Variants in NEK9 observed in about 807,000 individuals in gnomAD.
The protein encoded by NEK9 is serine/threonine-protein kinase Nek9.
Under a neutral mutation model 123.4 loss-of-function variants are expected in NEK9, and 75 were observed. The observed-to-expected ratio is 0.61, with a 90% CI of 0.50 to 0.74. NEK9 has a LOEUF of 0.74. Ranked by LOEUF, NEK9 falls within the 30% of genes least tolerant of loss-of-function variation. The pLI, the probability that NEK9 is intolerant of heterozygous loss-of-function variation, is 0.00. For synonymous variants in NEK9, 438 were observed against 458.7 expected (o/e 0.95, Z 0.58); for missense variants, 952 against 1,214.4 (o/e 0.78, Z 3.21).
rs142388282 is a variant in NEK9, at chr14:75,083,020, G to A, written c.*1544C>T. The A allele has an allele frequency of 1.3e-5, 5 of 398,580 alleles. No individual in the cohort carries two copies. Among genetic ancestry groups the A allele is most frequent in the South Asian group, 1.3e-4 (1 of 7,848 alleles). The allele number at this position is 398,580 out of a possible 1,614,324, so 24.7% of individuals were successfully genotyped here. Reference sequence around the variant, plus strand: ...CCCATTGAACAGAGTTGCCTGTCCCGAGCAATGGGGTTCTCCCCAAGCATC... The same window carrying A: ...CCCATTGAACAGAGTTGCCTGTCCCAAGCAATGGGGTTCTCCCCAAGCATC... On this transcript the variant is annotated 3_prime_UTR_variant, in exon 22 of 22. Transcript: ENST00000238616.
In NEK9 at chr14:75,083,326, C is replaced by A. The variant is rs1336256601; in HGVS notation, c.*1238G>T. ...ACTTTCTATATGAAGTTTTGTTCTT[C>A]TATGACACTATTTCTCTTTGGTAAA... On this transcript the variant is annotated 3_prime_UTR_variant, in exon 22 of 22. Coordinates refer to ENST00000238616, the MANE Select transcript of NEK9 (RefSeq NM_033116.6). 3 of 374,204 alleles carry A rather than the reference C, an allele frequency of 8.0e-6. No individual in the cohort carries two copies. The highest frequency in any genetic ancestry group is 1.4e-5 in the Non-Finnish European group (3 of 211,122). 23.2% of individuals were successfully genotyped at this position (374,204 alleles called of 1,614,324 possible).
chr14:75,113,021 A>G (rs1390766796), intron 8 of NEK9, among the ~76,000 whole-genome samples: 1 of 152,208 alleles, frequency 6.6e-6, no homozygotes, highest in African/African-American at 2.4e-5. Context: ...AAATTCAGAT[A>G]CAAACATAAG....
In NEK9 at chr14:75,126,321, G is replaced by A. The variant is rs138628342; in HGVS notation, c.219+382C>T. ...GAGAACTATATATACAGCATGAGAG[G>A]AAGGAAGTTTTGGCAATACCTCACA... is the stretch of plus-strand genomic sequence containing the variant. On this transcript the variant is annotated intron_variant, in intron 1 of 21. Coordinates refer to ENST00000238616, the MANE Select transcript of NEK9 (RefSeq NM_033116.6). Among the ~76,000 whole-genome samples, 33 of 152,070 alleles carry A rather than the reference G, an allele frequency of 2.2e-4. 1 individual carries two copies. The East Asian group carries it at 6.4e-3, about 29-fold the overall frequency.
intron 8 of NEK9, among the ~76,000 whole-genome samples, chr14:75,112,455 C>T (rs1894988193): frequency 1.3e-5 from 2 of 152,192 alleles, no homozygotes. Context: ...TAAAACTCGA[C>T]TTCAAATATG....
chr14:75,126,784 C>A lies in NEK9; in HGVS notation c.138G>T (p.Glu46Asp). The A allele has an allele frequency of 6.5e-7, 1 of 1,531,588 alleles. No individual in the cohort carries two copies. Among genetic ancestry groups the A allele is most frequent in the Non-Finnish European group, 8.8e-7 (1 of 1,140,106 alleles). The allele number at this position is 1,531,588 out of a possible 1,614,324, so 94.9% of individuals were successfully genotyped here. A position where few individuals can be genotyped will look rare whatever the true frequency, so the allele number is the denominator to read the frequency against. ...QGPRAGGGAA[E>D]QEELHYIPIR... ...TGGGGATGTAGTGCAGTTCCTCCTG[C>A]TCCGCCGCGCCGCCGCCGGCTCGCG... Residue 46 changes from glutamate to aspartate, a missense_variant, in exon 1 of 22, where the codon GAG becomes GAT. By Grantham distance (45) the Glu-to-Asp change is conservative. Transcript: ENST00000238616.
At position 75,109,808 on chromosome 14, in the gene NEK9, A is replaced by G. The variant is rs1420276109; in HGVS notation, c.1059T>C (p.Gly353=). Residue 353 remains glycine, a synonymous_variant, in exon 10 of 22, where the codon GGT becomes GGC. Transcript: ENST00000238616. The part of the protein sequence containing the change: ...TSRTSEVYVW[G]GGKSTPQKLD... ...GTTTCTGGGGGGTGGATTTTCCACC[A>G]CCCCAAACATAGACTTCACTGGTTC... 6.2e-7 allele frequency: 1 copy of G among 1,614,018 alleles called. No homozygotes were observed. The highest frequency in any genetic ancestry group is 2.2e-5 in the East Asian group (1 of 44,898).
chr14:75,104,851 A>G (rs189009743), intron 13 of NEK9, among the ~76,000 whole-genome samples: 10 of 152,362 alleles, frequency 6.6e-5, no homozygotes, highest in Non-Finnish European at 8.8e-5. Flanking sequence ...TTCCAGGTCA[A>G]CTAAACAAGA....
chr14:75,106,340 CAGAG>C (rs1410410039), intron 12 of NEK9, 158 bp downstream of exon 12: 4 of 594,272 alleles, frequency 6.7e-6, no homozygotes, highest in African/African-American at 4.9e-5. Context: ...GCCTGGGTGA[CAGAG>C]AGAGACTCTG....
In NEK9 at chr14:75,100,315, G is replaced by A. The variant is rs551041009; in HGVS notation, c.2002+677C>T. ...ACAGAAATTAGCCGAGTATGGTGGC[G>A]CATGCCTGTAATCCCAGCTACTCGG... is the stretch of plus-strand genomic sequence containing the variant. On this transcript the variant is annotated intron_variant, in intron 16 of 21. Transcript: ENST00000238616. Among the ~76,000 whole-genome samples the A allele has an allele frequency of 5.9e-5, 9 of 151,348 alleles. No individual in the cohort carries two copies. In the South Asian group the frequency reaches 1.9e-3, roughly 32 times the overall value.
At chr14:75,095,961 C>T (rs1394892454) in intron 17 of NEK9, among the ~76,000 whole-genome samples, 1 of 152,104 alleles carries the variant, frequency 6.6e-6, no homozygotes, top group African/African-American at 2.4e-5. Flanking sequence ...TTTAATTGGT[C>T]AGGGATAGGG....
chr14:75,111,410 T>A (rs1894954496), intron 8 of NEK9, among the ~76,000 whole-genome samples: 1 of 152,226 alleles, frequency 6.6e-6, no homozygotes, highest in Admixed American at 6.5e-5. Flanking sequence ...TTGTGTTTCC[T>A]GAATATTTTC....
intron 14 of NEK9, among the ~76,000 whole-genome samples, 163 bp downstream of exon 14, chr14:75,103,679 T>C (rs922920147): frequency 2.6e-5 from 4 of 152,232 alleles, no homozygotes; most frequent in African/African-American, 7.2e-5. Flanking sequence ...TAGAGCTATA[T>C]AGCATGTACT....
intron 1 of NEK9, 87 bp downstream of exon 1, chr14:75,126,616 A>C (rs1895536101): frequency 3.6e-6 from 4 of 1,110,400 alleles, no homozygotes; most frequent in Non-Finnish European, 4.8e-6. Flanking sequence ...CACTAAGCTC[A>C]CGACGCTGGG....
chr14:75,092,816 C>T (rs181803263), intron 18 of NEK9, among the ~76,000 whole-genome samples: 2 of 151,738 alleles, frequency 1.3e-5, no homozygotes, highest in Admixed American at 1.3e-4. Flanking sequence ...TCTCTTACTC[C>T]TCAGGGATCC....
intron 2 of NEK9, among the ~76,000 whole-genome samples, chr14:75,122,517 C>CTT (rs879703278): frequency 6.7e-6 from 1 of 148,344 alleles, no homozygotes; most frequent in African/African-American, 2.5e-5. Flanking sequence ...TATCAACAAA[C>CTT]TTTTTTTTTT....
In NEK9 at chr14:75,095,416, G is replaced by T. The variant is rs757121731; in HGVS notation, c.2189C>A (p.Ser730Tyr). The stretch of plus-strand genomic sequence containing the variant: ...ACTGCTATTGGAACGGATGGTCTTA[G>T]AATTCAATACTTTCTCTGAGAAAAA... ...TILIVEKVLN[S>Y]KTIRSNSSGL... The change falls in exon 18 of 22, where the codon TCT becomes TAT. Residue 730 changes from serine (S) to tyrosine (Y), a missense_variant. Physicochemically the swap from Ser to Tyr is moderately radical, Grantham distance 144. This residue lies in a region of NEK9 where 698 missense variants were observed against 875.6 expected (regional missense o/e 0.80). Transcript: ENST00000238616. 3.1e-6 allele frequency: 5 copies of T among 1,613,074 alleles called. No individual in the cohort carries two copies. The highest frequency in any genetic ancestry group is 4.2e-6 in the Non-Finnish European group (5 of 1,179,306).
rs1333219828 is a variant in NEK9 at position 75,106,366 on chromosome 14, A to G, written c.1528+136T>C. ...AGAGAGAGACTCTGTCTCGAGAAAA[A>G]AAAAAAAAAAAAAAAAAAAGATTTA... On this transcript the variant is annotated intron_variant, in intron 12 of 21. Coordinates refer to ENST00000238616, the MANE Select transcript of NEK9 (RefSeq NM_033116.6). 1.6e-5 allele frequency: 9 copies of G among 553,396 alleles called. No homozygotes were observed. The Admixed American group carries it at 2.7e-4, about 17-fold the overall frequency. 34.3% of individuals were successfully genotyped at this position (553,396 alleles called of 1,614,324 possible).
chr14:75,088,982 G>A (rs570963290), intron 19 of NEK9, among the ~76,000 whole-genome samples: 71 of 152,362 alleles, frequency 4.7e-4, no homozygotes, highest in Non-Finnish European at 9.3e-4. Flanking sequence ...GGCTAAAGGT[G>A]CAGACAGAAC....
rs11446568 is a variant in NEK9 at position 75,099,782 on chromosome 14, C to CAA, written c.2002+1208_2002+1209dup. Reference sequence around the variant, plus strand: ...GGGCGACAACAGTGAGATTGTGTCTCAAAAAAAAAAAAAAAAGAAGAGGAG... The same window carrying CAA: ...GGGCGACAACAGTGAGATTGTGTCTCAAAAAAAAAAAAAAAAAAGAAGAGGAG... On this transcript the variant is annotated intron_variant, in intron 16 of 21. Transcript: ENST00000238616. 2.2e-3 allele frequency among the ~76,000 whole-genome samples: 266 copies of CAA among 118,318 alleles called. 2 individuals are homozygous for CAA. In the Middle Eastern group the frequency reaches 0.034, roughly 15 times the overall value. 77.6% of individuals were successfully genotyped at this position (118,318 alleles called of 152,430 possible). A position where few individuals can be genotyped will look rare whatever the true frequency, so the allele number is the denominator to read the frequency against.
Sources: allele counts gnomAD v4.1 joint callset (sites outside exome capture counted in the v4.1 genomes callset), GRCh38; gene constraint gnomAD v4.1.1; regional missense constraint gnomAD v4.1.1; transcripts MANE v1.5; gene names NCBI Gene and HGNC (gene_info 2026-07-23, HGNC 2026-07-21).